Variants in SLC35C1 observed in about 807,000 individuals in gnomAD.
SLC35C1 encodes the protein solute carrier family 35 member C1, also known as GDP-fucose transporter 1.
SLC35C1 carries 8 observed loss-of-function variants against 23.2 expected under a neutral mutation model. That is an observed-to-expected ratio of 0.35 (90% CI 0.20 to 0.62). SLC35C1 has a LOEUF of 0.62. Ranked by LOEUF, SLC35C1 falls within the 20% of genes least tolerant of loss-of-function variation. The probability of loss-of-function intolerance (pLI) is 0.75; values close to 1 mark genes in which losing one functional copy is unlikely to be tolerated. For missense variants in SLC35C1, 422 were observed against 478.6 expected (o/e 0.88, Z 1.10); for synonymous variants, 226 against 225.1 (o/e 1.00, Z -0.04).
intron 1 of SLC35C1, among the ~76,000 whole-genome samples, chr11:45,808,651 C>T (rs1404018683): frequency 2.0e-5 from 3 of 152,192 alleles, no homozygotes; most frequent in South Asian, 4.1e-4. Flanking sequence ...CACCCTACCC[C>T]CAGCAGGTCT....
In SLC35C1 at chr11:45,805,663, A is replaced by G; in HGVS notation, c.-139A>G. On this transcript the variant is annotated 5_prime_UTR_variant, in exon 1 of 2. Transcript: ENST00000314134. ...GCAGAACTTCTCAATCCATGAGGAC[A>G]ATGGGGAGGCCTTTAGGCCAGCCCA... The G allele has an allele frequency of 1.3e-6, 2 of 1,545,336 alleles. No homozygotes were observed. Among genetic ancestry groups the G allele is most frequent in the East Asian group, 2.4e-5 (1 of 41,934 alleles).
rs2085938012 is a variant in SLC35C1 at position 45,811,040 on chromosome 11, G to T, written c.800G>T (p.Trp267Leu). Residue 267 changes from tryptophan to leucine, a missense_variant, in exon 2 of 2, where the codon TGG (tryptophan) becomes TTG (leucine). Trp to Leu is a moderately conservative substitution (Grantham distance 61, BLOSUM62 -2). Transcript: ENST00000314134. ...DFAQLGSAHFWGMMTLGGLFG... is the reference protein window; with the variant it reads ...DFAQLGSAHFLGMMTLGGLFG... ...GCCCAGCTGGGCAGTGCCCACTTCT[G>T]GGGGATGATGACGCTGGGCGGCCTG... 6.2e-7 allele frequency: 1 copy of T among 1,613,076 alleles called. No homozygotes were observed.
Position 45,810,704 on chromosome 11 carries a change from C to T in SLC35C1, c.536-72C>T, listed in dbSNP as rs1230222564. On this transcript the variant is annotated intron_variant, in intron 1 of 1. Coordinates refer to ENST00000314134, the MANE Select transcript of SLC35C1 (RefSeq NM_018389.5). ...CAGTCTGTGAAATTTGGTGTCTGAT[C>T]CTCTGTCCTTCTTCCTCCTCGTCCT... The T allele has an allele frequency of 2.6e-6, 4 of 1,548,700 alleles. No homozygotes were observed. The South Asian group carries it at 4.8e-5, about 19-fold the overall frequency.
Position 45,805,586 on chromosome 11 carries a change from C to G in SLC35C1, c.-216C>G. On this transcript the variant is annotated 5_prime_UTR_variant, in exon 1 of 2. Transcript: ENST00000314134. ...CTTGCCCTGTGTCTTGTCTCAGAGC[C>G]CCCTCGGGGTGGGAGTAGGTTGTGG... 1 of 1,455,856 alleles carries G rather than the reference C, an allele frequency of 6.9e-7. No homozygotes were observed. Among genetic ancestry groups the G allele is most frequent in the Non-Finnish European group, 9.0e-7 (1 of 1,105,254 alleles). The allele number at this position is 1,455,856 out of a possible 1,614,324, so 90.2% of individuals were successfully genotyped here.
intron 1 of SLC35C1, chr11:45,810,005 G>C: frequency 1.0e-6 from 1 of 984,250 alleles, no homozygotes; most frequent in Non-Finnish European, 1.2e-6. Flanking sequence ...CCCCAGAAAG[G>C]AGGAGGGTGT....
chr11:45,807,490 C>T (rs2085889924), intron 1 of SLC35C1, among the ~76,000 whole-genome samples: 1 of 152,148 alleles, frequency 6.6e-6, no homozygotes, highest in Admixed American at 6.5e-5. Flanking sequence ...CCGAGTCTTC[C>T]CAGGGCTGCG....
In SLC35C1 at chr11:45,810,885, C is replaced by T. The variant is rs200626011; in HGVS notation, c.645C>T (p.Tyr215=). The change falls in exon 2 of 2, where the codon TAC becomes TAT. Residue 215 remains tyrosine, a synonymous_variant. Coordinates refer to ENST00000314134, the MANE Select transcript of SLC35C1 (RefSeq NM_018389.5). ...TCTGTGTCTCGCTCAACGCCATCTA[C>T]ACCACGAAGGTGCTCCCGGCGGTGG... ...ASLCVSLNAI[Y]TTKVLPAVDG... 1.9e-5 allele frequency: 30 copies of T among 1,612,298 alleles called. No homozygotes were observed. Among genetic ancestry groups the T allele is most frequent in the Non-Finnish European group, 2.4e-5 (28 of 1,180,034 alleles).
At chr11:45,807,431 T>C (rs1299039390) in intron 1 of SLC35C1, among the ~76,000 whole-genome samples, 2 of 152,158 alleles carry the variant, frequency 1.3e-5, no homozygotes, top group Non-Finnish European at 2.9e-5. Flanking sequence ...GGGCCCATAT[T>C]TTACTGGGCC....
intron 1 of SLC35C1, chr11:45,809,960 G>A: frequency 1.0e-6 from 1 of 985,084 alleles, no homozygotes; most frequent in Non-Finnish European, 1.2e-6. Context: ...TTCCCCAGGA[G>A]AAGCCAACTT....
intron 1 of SLC35C1, among the ~76,000 whole-genome samples, chr11:45,808,634 C>T (rs1366803975): frequency 2.6e-5 from 4 of 152,210 alleles, no homozygotes; most frequent in African/African-American, 9.6e-5. Context: ...CAGCCCTCTG[C>T]CCCCCTCACC....
Position 45,805,736 on chromosome 11 carries a change from G to A in SLC35C1, c.-66G>A, listed in dbSNP as rs566600488. On this transcript the variant is annotated 5_prime_UTR_variant, in exon 1 of 2. Transcript: ENST00000314134. ...GCTTCCTTGCGGAGAGCACAAGTGA[G>A]CTCACTGCCCTGGACTCCAGGGAAT... 5.9e-5 allele frequency: 95 copies of A among 1,601,712 alleles called. No individual in the cohort carries two copies. Among genetic ancestry groups the A allele is most frequent in the Non-Finnish European group, 7.2e-5 (85 of 1,179,720 alleles).
upstream of SLC35C1, chr11:45,804,592 G>A (rs1011484829): frequency 4.1e-6 from 4 of 985,690 alleles, no homozygotes; most frequent in Non-Finnish European, 4.8e-6. Context: ...AGCACAGGGA[G>A]GACAAACTGA....
chr11:45,804,787 G>T, upstream of SLC35C1: 2 of 985,994 alleles, frequency 2.0e-6, no homozygotes, highest in Non-Finnish European at 2.4e-6. Context: ...AGGTGGAGGG[G>T]TCCAGGCTGA....
Position 45,805,335 on chromosome 11 carries a change from G to GGGGCCC in SLC35C1, c.-467_-466insGGGCCC. 4 of 566,218 alleles carry GGGGCCC rather than the reference G, an allele frequency of 7.1e-6. No homozygotes were observed. Among genetic ancestry groups the GGGGCCC allele is most frequent in the African/African-American group, 3.4e-5 (1 of 29,804 alleles). The allele number at this position is 566,218 out of a possible 1,614,324, so 35.1% of individuals were successfully genotyped here. A position where few individuals can be genotyped will look rare whatever the true frequency, so the allele number is the denominator to read the frequency against. On this transcript the variant is annotated 5_prime_UTR_variant, in exon 1 of 2. Coordinates refer to ENST00000314134, the MANE Select transcript of SLC35C1 (RefSeq NM_018389.5). ...GCTCCCTGTACGCCTCCCTCCCCCT[G>GGGGCCC]CCCGCCCCTCCCTCCCACAGCCGCC...
At position 45,810,438 on chromosome 11, in the gene SLC35C1, T is replaced by A. The variant is rs569669479; in HGVS notation, c.536-338T>A. ...CCAGCACAGTCGCCCACTTACAGGC[T>A]CTCACAGCACCTTGTACTACTTTAT... is the stretch of plus-strand genomic sequence containing the variant. On this transcript the variant is annotated intron_variant, in intron 1 of 1. Coordinates refer to ENST00000314134, the MANE Select transcript of SLC35C1 (RefSeq NM_018389.5). 1.0e-5 allele frequency: 10 copies of A among 985,430 alleles called. No individual in the cohort carries two copies. The African/African-American group carries it at 1.7e-4, about 17-fold the overall frequency. The allele number at this position is 985,430 out of a possible 1,614,324, so 61.0% of individuals were successfully genotyped here. A position where few individuals can be genotyped will look rare whatever the true frequency, so the allele number is the denominator to read the frequency against.
At position 45,810,719 on chromosome 11, in the gene SLC35C1, C is replaced by T. The variant is rs1307250877; in HGVS notation, c.536-57C>T. On this transcript the variant is annotated intron_variant, in intron 1 of 1. Coordinates refer to ENST00000314134, the MANE Select transcript of SLC35C1 (RefSeq NM_018389.5). ...GGTGTCTGATCCTCTGTCCTTCTTC[C>T]TCCTCGTCCTCATCCCTCTTCCTCA... The T allele has an allele frequency of 4.4e-6, 7 of 1,576,810 alleles. No individual in the cohort carries two copies. In the Admixed American group the frequency reaches 8.7e-5, roughly 20 times the overall value.
At chr11:45,807,189 G>C (rs1308193124) in intron 1 of SLC35C1, among the ~76,000 whole-genome samples, 3 of 152,190 alleles carry the variant, frequency 2.0e-5, no homozygotes, top group African/African-American at 7.2e-5. Context: ...ACCCAGATTG[G>C]CCAGACTCCC....
Position 45,811,394 on chromosome 11 carries a change from C to CAGT in SLC35C1, c.*63_*65dup. The CAGT allele has an allele frequency of 2.2e-6, 3 of 1,386,582 alleles. No homozygotes were observed. The highest frequency in any genetic ancestry group is 2.8e-6 in the Non-Finnish European group (3 of 1,054,234). 85.9% of individuals were successfully genotyped at this position (1,386,582 alleles called of 1,614,324 possible). A position where few individuals can be genotyped will look rare whatever the true frequency, so the allele number is the denominator to read the frequency against. On this transcript the variant is annotated 3_prime_UTR_variant, in exon 2 of 2. Coordinates refer to ENST00000314134, the MANE Select transcript of SLC35C1 (RefSeq NM_018389.5). ...GGCCCGTACACAGGCGGGGCCAGCACAGTAGTGAAGGCGGTCTCCTGGACC... is the reference window on the plus strand; with the variant it reads ...GGCCCGTACACAGGCGGGGCCAGCACAGTAGTAGTGAAGGCGGTCTCCTGGACC...
upstream of SLC35C1, chr11:45,804,722 G>T: frequency 1.0e-6 from 1 of 985,724 alleles, no homozygotes; most frequent in Non-Finnish European, 1.2e-6. Context: ...ACATTGTTAT[G>T]GAAGAGTGAG....
Sources: allele counts gnomAD v4.1 joint callset (sites outside exome capture counted in the v4.1 genomes callset), GRCh38; gene constraint gnomAD v4.1.1; transcripts MANE v1.5; gene names NCBI Gene and HGNC (gene_info 2026-07-23, HGNC 2026-07-21).